The following PCDH15 variants were observed in gnomAD, a reference collection of about 807,000 sequenced individuals.
PCDH15 encodes the protein protocadherin-15.
Under a neutral mutation model 178.5 loss-of-function variants are expected in PCDH15, and 129 were observed. The observed-to-expected ratio is 0.72, with a 90% CI of 0.63 to 0.84. The LOEUF (loss-of-function observed/expected upper bound fraction) is 0.84, where lower values mean the gene tolerates loss of function less well. PCDH15 is among the 40% of genes least tolerant of loss of function. PCDH15 has a pLI of 0.00. For synonymous variants in PCDH15, 800 were observed against 732.0 expected (o/e 1.09, Z -1.50); for missense variants, 2,230 against 2,099.9 (o/e 1.06, Z -1.21).
At chr10:54,768,051 C>T (rs1027952310) in intron 1 of PCDH15, among the ~76,000 whole-genome samples, 9 of 151,972 alleles carry the variant, frequency 5.9e-5, no homozygotes, top group African/African-American at 1.9e-4. Context: ...TGGGGTCATA[C>T]GGGGATTTTC....
chr10:54,978,669 C>G (rs971966507), intron 2 of PCDH15, among the ~76,000 whole-genome samples: 1 of 152,104 alleles, frequency 6.6e-6, no homozygotes, highest in African/African-American at 2.4e-5. Context: ...ATACTGTAAT[C>G]AATGGAAAAG....
intron 3 of PCDH15, among the ~76,000 whole-genome samples, chr10:54,867,027 T>G (rs2131788345): frequency 6.6e-6 from 1 of 152,334 alleles, no homozygotes; most frequent in Admixed American, 6.5e-5. Context: ...GTTTAAAGTT[T>G]AGACTTTCTG....
At chr10:53,962,661 A>G (rs903993975) in intron 21 of PCDH15, among the ~76,000 whole-genome samples, 5 of 152,190 alleles carry the variant, frequency 3.3e-5, no homozygotes, top group African/African-American at 7.2e-5. Flanking sequence ...GTGGCTTACA[A>G]TAAGTTAAAG....
chr10:54,350,214 G>C (rs982829253), intron 5 of PCDH15, among the ~76,000 whole-genome samples: 1 of 152,092 alleles, frequency 6.6e-6, no homozygotes, highest in Non-Finnish European at 1.5e-5. Flanking sequence ...ATTCATGGCT[G>C]TCTTTCTTGA....
At chr10:54,142,319 G>A (rs1303723891) in intron 14 of PCDH15, among the ~76,000 whole-genome samples, 3 of 152,146 alleles carry the variant, frequency 2.0e-5, no homozygotes, top group Non-Finnish European at 2.9e-5. Context: ...TCTGAAGAAA[G>A]CACTGACTTC....
intron 1 of PCDH15, among the ~76,000 whole-genome samples, chr10:55,306,429 TC>T (rs939930237): frequency 9.9e-5 from 15 of 152,210 alleles, no homozygotes; most frequent in African/African-American, 3.6e-4. Context: ...AATGAGGGGA[TC>T]TTTTTGGTAA....
intron 1 of PCDH15, among the ~76,000 whole-genome samples, chr10:54,779,488 G>GTGTGTA (rs147450863): frequency 0.025 from 1,338 of 53,266 alleles, 81 homozygotes; most frequent in African/African-American, 0.11. Context: ...ACATATATAT[G>GTGTGTA]TATATATATA....
intron 25 of PCDH15, among the ~76,000 whole-genome samples, chr10:53,917,257 C>T (rs1319887000): frequency 6.6e-6 from 1 of 151,904 alleles, no homozygotes; most frequent in Admixed American, 6.6e-5. Context: ...TAAGACTATT[C>T]CACTGATAAT....
At chr10:54,918,576 T>C (rs1397204999) in intron 2 of PCDH15, among the ~76,000 whole-genome samples, 2 of 152,136 alleles carry the variant, frequency 1.3e-5, no homozygotes, top group Non-Finnish European at 2.9e-5. Context: ...AAAACTTCAG[T>C]TTCCTGATTA....
chr10:54,510,702 A>C (rs979285037), intron 3 of PCDH15, among the ~76,000 whole-genome samples: 4 of 152,184 alleles, frequency 2.6e-5, no homozygotes, highest in African/African-American at 9.7e-5. Flanking sequence ...TACAAGAAGG[A>C]AGCTATAAAC....
chr10:54,519,151 C>A (rs1429962823), intron 3 of PCDH15, among the ~76,000 whole-genome samples: 1 of 152,128 alleles, frequency 6.6e-6, no homozygotes, highest in Admixed American at 6.5e-5. Flanking sequence ...AAAACTGGCA[C>A]AAGACAGGGA....
In PCDH15 at chr10:54,481,066, G is replaced by A. The variant is rs1272829887; in HGVS notation, c.157+46746C>T. Among the ~76,000 whole-genome samples, 8 of 151,778 alleles carry A rather than the reference G, an allele frequency of 5.3e-5. No individual in the cohort carries two copies. The East Asian group carries it at 7.8e-4, about 15-fold the overall frequency. On this transcript the variant is annotated intron_variant, in intron 3 of 37. Transcript: ENST00000644397. ...GTGATTCTATAATTTGATATTAAGC[G>A]AAGATTTTAGTAACACCTAATTTCT...
At chr10:54,889,715 C>T (rs1012943034) in intron 3 of PCDH15, among the ~76,000 whole-genome samples, 3 of 151,408 alleles carry the variant, frequency 2.0e-5, no homozygotes, top group Admixed American at 6.6e-5. Flanking sequence ...GTTTCTAATA[C>T]ATTTGAGAGG....
At chr10:53,894,944 G>C (rs1490540037) in intron 26 of PCDH15, among the ~76,000 whole-genome samples, 1 of 152,162 alleles carries the variant, frequency 6.6e-6, no homozygotes, top group Non-Finnish European at 1.5e-5. Flanking sequence ...GCTTGGTCTC[G>C]GAAGCAGAAT....
intron 8 of PCDH15, among the ~76,000 whole-genome samples, chr10:54,243,565 A>G (rs969054487): frequency 2.6e-5 from 4 of 152,104 alleles, no homozygotes; most frequent in Admixed American, 6.5e-5. Context: ...CAAATGTACT[A>G]TTTTCCTCAA....
chr10:55,371,064 G>A (rs189439190), intron 2 of PCDH15, among the ~76,000 whole-genome samples: 7 of 152,154 alleles, frequency 4.6e-5, no homozygotes, highest in South Asian at 2.1e-4. Context: ...TTGCATCATA[G>A]TTTTAGCATG....
intron 2 of PCDH15, among the ~76,000 whole-genome samples, chr10:55,151,225 T>G (rs567453660): frequency 6.6e-6 from 1 of 152,224 alleles, no homozygotes; most frequent in East Asian, 1.9e-4. Context: ...AAAGATGTAT[T>G]TTGAGTCTAT....
chr10:55,277,720 T>C (rs1842629765), intron 1 of PCDH15, among the ~76,000 whole-genome samples: 1 of 152,080 alleles, frequency 6.6e-6, no homozygotes, highest in Admixed American at 6.6e-5. Context: ...TTCTTCACTC[T>C]ACTCAATATG....
intron 2 of PCDH15, among the ~76,000 whole-genome samples, chr10:54,594,137 A>G (rs942769829): frequency 6.6e-6 from 1 of 152,114 alleles, no homozygotes; most frequent in African/African-American, 2.4e-5. Flanking sequence ...TCTCACCATG[A>G]GCCTCTGGAA....
Sources: gnomAD v4.1 joint callset for allele counts (sites outside exome capture counted in the v4.1 genomes callset) on GRCh38, gnomAD v4.1.1 for gene constraint, MANE v1.5 for transcripts, NCBI Gene and HGNC (gene_info 2026-07-23, HGNC 2026-07-21) for gene names.